HERC3: variants seen among roughly 807,000 people sequenced by gnomAD.
HERC3 encodes the protein probable E3 ubiquitin-protein ligase HERC3.
A neutral mutation model predicts 129.9 loss-of-function variants in HERC3; 58 were observed. The observed-to-expected ratio is 0.45, with a 90% CI of 0.36 to 0.56. The LOEUF (loss-of-function observed/expected upper bound fraction) is 0.56. HERC3 is among the 20% of genes least tolerant of loss of function. The pLI is 0.00. For synonymous variants in HERC3, 430 were observed against 451.0 expected (o/e 0.95, Z 0.59); for missense variants, 835 against 1,244.2 (o/e 0.67, Z 4.95).
the HERC3 span, among the ~76,000 whole-genome samples, chr4:88,563,995 T>G: frequency 6.6e-6 from 1 of 152,200 alleles, no homozygotes; most frequent in Non-Finnish European, 1.5e-5. Flanking sequence ...ATTTTTATCA[T>G]GAAGAAATGT....
rs187920485 is a variant in HERC3, at chr4:88,660,854, T to A, written c.1147-1577T>A. Among the ~76,000 whole-genome samples the A allele has an allele frequency of 3.9e-3, 589 of 152,268 alleles. 2 individuals carry two copies. The highest frequency in any genetic ancestry group is 0.013 in the African/African-American group (535 of 41,550). Reference sequence around the variant, plus strand: ...TACTGATGACTCTAGAGATTCTGATTTAATTGGTCTGGAGTATGACTTGGT... The same window carrying A: ...TACTGATGACTCTAGAGATTCTGATATAATTGGTCTGGAGTATGACTTGGT... On this transcript the variant is annotated intron_variant, in intron 10 of 25. Coordinates refer to ENST00000402738, the MANE Select transcript of HERC3 (RefSeq NM_014606.3).
chr4:88,558,998 G>C, the HERC3 span, among the ~76,000 whole-genome samples: 389 of 151,560 alleles, frequency 2.6e-3, 1 homozygote, highest in African/African-American at 9.0e-3. Context: ...CTCATTGAGA[G>C]ATTCTTTTTC....
At chr4:88,632,790 A>C (rs1351735171) in intron 3 of HERC3, among the ~76,000 whole-genome samples, 1 of 152,204 alleles carries the variant, frequency 6.6e-6, no homozygotes, top group East Asian at 1.9e-4. Flanking sequence ...AAAAAGTCTA[A>C]TATGTCTTTA....
chr4:88,563,954 G>A, the HERC3 span, among the ~76,000 whole-genome samples: 25,135 of 152,010 alleles, frequency 0.17, 2,384 homozygotes, highest in Admixed American at 0.25. Flanking sequence ...CACCATGCCC[G>A]GCCTTCCTTT....
chr4:88,602,401 C>G (rs866247107), intron 2 of HERC3, among the ~76,000 whole-genome samples: 5 of 101,232 alleles, frequency 4.9e-5, no homozygotes, highest in African/African-American at 8.4e-5. Context: ...GACTTGGTCT[C>G]CAAAAAAAAA....
the HERC3 span, among the ~76,000 whole-genome samples, chr4:88,568,633 C>T: frequency 6.6e-6 from 1 of 151,904 alleles, no homozygotes; most frequent in African/African-American, 2.4e-5. Context: ...TGTGTGGGTA[C>T]CACTGATGTT....
At chr4:88,652,453 C>T (rs996941921) in intron 5 of HERC3, among the ~76,000 whole-genome samples, 2 of 152,164 alleles carry the variant, frequency 1.3e-5, no homozygotes, top group Non-Finnish European at 2.9e-5. Flanking sequence ...GTTGGAGAAA[C>T]CTAAATAAAT....
chr4:88,606,884 T>C (rs111290153), intron 3 of HERC3, among the ~76,000 whole-genome samples: 1 of 152,212 alleles, frequency 6.6e-6, no homozygotes, highest in Non-Finnish European at 1.5e-5. Flanking sequence ...CTGAGAAATA[T>C]GACAGTTTTT....
intron 23 of HERC3, among the ~76,000 whole-genome samples, chr4:88,695,482 GATATT>G (rs1160390801): frequency 6.6e-6 from 1 of 152,114 alleles, no homozygotes; most frequent in Non-Finnish European, 1.5e-5. Flanking sequence ...ATAAAAACCT[GATATT>G]ATATTGAGGA....
Position 88,605,975 on chromosome 4 carries a change from A to G in HERC3, c.152A>G (p.Glu51Gly). Residue 51 changes from glutamate (E) to glycine (G), a missense_variant, in exon 3 of 26, where the codon GAA becomes GGA. Coordinates refer to ENST00000402738, the MANE Select transcript of HERC3 (RefSeq NM_014606.3). The stretch of plus-strand genomic sequence containing the variant: ...GGAAACCACTCTGTGTTCCTGCTGG[A>G]AGATGGGGAAGTTTACACATGTGGT... ...CGGNHSVFLL[E>G]DGEVYTCGLN... 1 of 1,614,164 alleles carries G rather than the reference A, an allele frequency of 6.2e-7. No homozygotes were observed. Among genetic ancestry groups the G allele is most frequent in the Non-Finnish European group, 8.5e-7 (1 of 1,180,032 alleles).
rs964498616 is a variant in HERC3, at chr4:88,626,372, A to C, written c.226+20323A>C. ...CCATGTTTTTATTACTTATAGACTT[A>C]TTATAGATTATTATTTCTTCCTTAA... On this transcript the variant is annotated intron_variant, in intron 3 of 25. Transcript: ENST00000402738. 2.0e-5 allele frequency among the ~76,000 whole-genome samples: 3 copies of C among 151,984 alleles called. No individual in the cohort carries two copies. The South Asian group carries it at 6.2e-4, about 32-fold the overall frequency.
At chr4:88,654,385 T>TAC (rs60231988) in intron 7 of HERC3, among the ~76,000 whole-genome samples, 67 of 104,310 alleles carry the variant, frequency 6.4e-4, no homozygotes, top group African/African-American at 2.0e-3. Context: ...TATATATATA[T>TAC]ATACACACAC....
the HERC3 span, among the ~76,000 whole-genome samples, chr4:88,546,823 T>C: frequency 3.3e-5 from 5 of 152,240 alleles, no homozygotes; most frequent in African/African-American, 1.2e-4. Flanking sequence ...TCTAATGTAT[T>C]TAGCCTCTGT....
chr4:88,676,429 A>G lies in HERC3; in HGVS notation c.2025+6A>G, dbSNP rs1732168881. The G allele has an allele frequency of 6.3e-7, 1 of 1,578,828 alleles. No homozygotes were observed. Among genetic ancestry groups the G allele is most frequent in the African/African-American group, 1.3e-5 (1 of 74,150 alleles). On this transcript the variant is annotated splice_donor_region_variant and intron_variant, in intron 18 of 25. Transcript: ENST00000402738. Reference sequence around the variant, plus strand: ...ATGCTGAACTACAGATGCAGGTATCATATTTTAGAAATTATTTCTTCTTTT... The same window carrying G: ...ATGCTGAACTACAGATGCAGGTATCGTATTTTAGAAATTATTTCTTCTTTT...
At chr4:88,581,448 C>T in the HERC3 span, among the ~76,000 whole-genome samples, 12 of 149,324 alleles carry the variant, frequency 8.0e-5, no homozygotes, top group African/African-American at 2.0e-4. Context: ...CAGGTGCCCG[C>T]GACCATGCCT....
chr4:88,535,091 C>T, the HERC3 span, among the ~76,000 whole-genome samples: 2 of 152,152 alleles, frequency 1.3e-5, no homozygotes, highest in Non-Finnish European at 2.9e-5. Context: ...ATAATTTTTA[C>T]CAGAATCATG....
the HERC3 span, among the ~76,000 whole-genome samples, chr4:88,549,628 C>T: frequency 7.4e-4 from 113 of 152,172 alleles, no homozygotes; most frequent in African/African-American, 2.3e-3. Flanking sequence ...TCCATGTTGA[C>T]GCAAAGGACA....
chr4:88,643,968 G>C lies in HERC3; in HGVS notation c.227-5872G>C, dbSNP rs555088194. The stretch of plus-strand genomic sequence containing the variant: ...AATAAAAATTTAATTTTAAAAATTG[G>C]CAAGAACTTCGAACAGACATTTATC... On this transcript the variant is annotated intron_variant, in intron 3 of 25. Transcript: ENST00000402738. Among the ~76,000 whole-genome samples, 3 of 152,242 alleles carry C rather than the reference G, an allele frequency of 2.0e-5. No homozygotes were observed. In the South Asian group the frequency reaches 6.2e-4, roughly 32 times the overall value.
chr4:88,652,399 G>A (rs553277001), intron 5 of HERC3, among the ~76,000 whole-genome samples: 4 of 152,286 alleles, frequency 2.6e-5, no homozygotes, highest in Non-Finnish European at 4.4e-5. Context: ...CAACTCTCAA[G>A]CTACATTCCA....
Sources: gnomAD v4.1 joint callset for allele counts (sites outside exome capture counted in the v4.1 genomes callset) on GRCh38, gnomAD v4.1.1 for gene constraint, MANE v1.5 for transcripts, NCBI Gene and HGNC (gene_info 2026-07-23, HGNC 2026-07-21) for gene names.